PTGER3: variants seen among roughly 807,000 people sequenced by gnomAD.
PTGER3 encodes the protein prostaglandin E receptor 3.
In PTGER3, 22 loss-of-function variants were observed where a neutral mutation model predicts 34.7. That is an observed-to-expected ratio of 0.63 (90% CI 0.45 to 0.91). The LOEUF (loss-of-function observed/expected upper bound fraction) is 0.91. Among genes scored for constraint, PTGER3 ranks in the 40% least tolerant of loss-of-function variants. PTGER3 has a pLI of 0.00. For synonymous variants in PTGER3, 241 were observed against 230.1 expected (o/e 1.05, Z -0.43); for missense variants, 468 against 519.4 (o/e 0.90, Z 0.96).
chr1:71,003,337 A>G (rs1180885134), intron 2 of PTGER3, among the ~76,000 whole-genome samples: 1 of 152,228 alleles, frequency 6.6e-6, no homozygotes, highest in Non-Finnish European at 1.5e-5. Flanking sequence ...TCCTAGTATC[A>G]TGAAGTTACA....
chr1:70,998,838 GAAC>G (rs1557727376), intron 2 of PTGER3, among the ~76,000 whole-genome samples: 1 of 152,106 alleles, frequency 6.6e-6, no homozygotes, highest in Non-Finnish European at 1.5e-5. Flanking sequence ...TTTGCACAGG[GAAC>G]GACGATGGTG....
intron 1 of PTGER3, among the ~76,000 whole-genome samples, chr1:71,041,567 C>T (rs920163491): frequency 3.2e-4 from 48 of 152,194 alleles, no homozygotes; most frequent in Non-Finnish European, 3.1e-4. Context: ...CAAAATGAGG[C>T]TCCTTCATTG....
intron 2 of PTGER3, among the ~76,000 whole-genome samples, chr1:71,001,715 T>G (rs776383175): frequency 1.3e-5 from 2 of 152,176 alleles, no homozygotes; most frequent in Non-Finnish European, 2.9e-5. Flanking sequence ...TATCATCCCC[T>G]TATTTTACAG....
At chr1:70,914,721 T>G (rs1278510800) in intron 4 of PTGER3, among the ~76,000 whole-genome samples, 2 of 151,894 alleles carry the variant, frequency 1.3e-5, no homozygotes, top group Non-Finnish European at 2.9e-5. Context: ...TGTTTTTAAG[T>G]TTGTTAATAT....
At chr1:70,901,002 G>T (rs1030445438) in intron 4 of PTGER3, among the ~76,000 whole-genome samples, 2 of 152,266 alleles carry the variant, frequency 1.3e-5, no homozygotes, top group South Asian at 4.1e-4. Context: ...GTTTAGTGAG[G>T]TTCAAATGGA....
chr1:70,949,866 TAGAG>T (rs1650581282), downstream of PTGER3, among the ~76,000 whole-genome samples: 1 of 152,112 alleles, frequency 6.6e-6, no homozygotes, highest in South Asian at 2.1e-4. Context: ...TGGAGGAAAA[TAGAG>T]AGAGGCTTGC....
intron 4 of PTGER3, among the ~76,000 whole-genome samples, chr1:70,911,316 T>TC (rs1352982195): frequency 2.0e-5 from 3 of 151,546 alleles, no homozygotes; most frequent in Non-Finnish European, 4.4e-5. Flanking sequence ...ATGAAATGTC[T>TC]CCCCCCACAG....
rs529878147 is a variant in PTGER3, at chr1:70,996,567, T to A, written c.1077+15738A>T. On this transcript the variant is annotated intron_variant, in intron 2 of 3. Transcript: ENST00000306666. ...GCTCCGCCTCGTGGGTTCATGCCATTCTCCTGCCTCAGCCTCCCGAGTAGC... is the reference window on the plus strand; with the variant it reads ...GCTCCGCCTCGTGGGTTCATGCCATACTCCTGCCTCAGCCTCCCGAGTAGC... Among the ~76,000 whole-genome samples, 20 of 151,788 alleles carry A rather than the reference T, an allele frequency of 1.3e-4. No homozygotes were observed. The East Asian group carries it at 3.9e-3, about 29-fold the overall frequency.
At chr1:70,961,297 C>T (rs1344799038) in intron 2 of PTGER3, among the ~76,000 whole-genome samples, 1 of 152,174 alleles carries the variant, frequency 6.6e-6, no homozygotes, top group Non-Finnish European at 1.5e-5. Context: ...TCTATAAATT[C>T]CCTTTTTTAG....
chr1:71,027,390 T>C (rs192767474), intron 1 of PTGER3, among the ~76,000 whole-genome samples: 274 of 152,328 alleles, frequency 1.8e-3, no homozygotes, highest in African/African-American at 6.3e-3. Context: ...CTTGAACTCC[T>C]AGCCTCAAGT....
chr1:70,952,946 A>AATGCTGCTC, exon 4 of PTGER3: 1 of 1,613,096 alleles, frequency 6.2e-7, no homozygotes, highest in Non-Finnish European at 8.5e-7. Flanking sequence ...TGTACACATT[A>AATGCTGCTC]ATGCTGCTCA....
At chr1:70,961,789 T>C (rs1198087511) in intron 2 of PTGER3, among the ~76,000 whole-genome samples, 1 of 152,214 alleles carries the variant, frequency 6.6e-6, no homozygotes, top group Non-Finnish European at 1.5e-5. Context: ...AGATGGCTAA[T>C]GATAATTGAA....
chr1:71,042,256 T>C (rs1040517872), intron 1 of PTGER3, among the ~76,000 whole-genome samples: 1 of 149,578 alleles, frequency 6.7e-6, no homozygotes, highest in Non-Finnish European at 1.5e-5. Flanking sequence ...TGATCTAGTG[T>C]GCACCCTTTG....
chr1:70,937,347 A>C (rs898186315), intron 4 of PTGER3, among the ~76,000 whole-genome samples: 1 of 152,202 alleles, frequency 6.6e-6, no homozygotes, highest in African/African-American at 2.4e-5. Flanking sequence ...CATTTAATGG[A>C]CATCATTTAT....
intron 2 of PTGER3, among the ~76,000 whole-genome samples, chr1:70,954,917 G>C (rs940379249): frequency 2.6e-5 from 4 of 152,004 alleles, no homozygotes; most frequent in Non-Finnish European, 5.9e-5. Flanking sequence ...ATGTTTTCTG[G>C]CTAAAATAAT....
chr1:70,920,078 A>C (rs1647381987), intron 4 of PTGER3, among the ~76,000 whole-genome samples: 1 of 152,160 alleles, frequency 6.6e-6, no homozygotes. Context: ...GCTGAGTTTG[A>C]GGCCCAATTA....
chr1:70,929,004 G>A lies in PTGER3; in HGVS notation c.*23+24759C>T, dbSNP rs147472891. 3.0e-3 allele frequency among the ~76,000 whole-genome samples: 451 copies of A among 152,010 alleles called. 5 individuals carry two copies. The highest frequency in any genetic ancestry group is 0.01 in the African/African-American group (426 of 41,482). ...AAACAAAATTTCTGCTTGTTATTTT[G>A]AACTAAGTCCTCCAGATCAGAGATT... On this transcript the variant is annotated intron_variant, in intron 4 of 4. Coordinates refer to the PTGER3 transcript ENST00000370931.
Position 70,971,308 on chromosome 1 carries a change from T to C in PTGER3, c.*422A>G, listed in dbSNP as rs1408549054. The C allele has an allele frequency of 1.0e-6, 1 of 988,356 alleles. No homozygotes were observed. The highest frequency in any genetic ancestry group is 1.2e-6 in the Non-Finnish European group (1 of 832,034). The allele number at this position is 988,356 out of a possible 1,614,324, so 61.2% of individuals were successfully genotyped here. ...TTATCACTCTCAATATGTTGACTTT[T>C]CACCATCATAAGCTTATACTGATTT... On this transcript the variant is annotated 3_prime_UTR_variant, in exon 4 of 4. Coordinates refer to ENST00000306666, the MANE Select transcript of PTGER3 (RefSeq NM_198719.2).
downstream of PTGER3, among the ~76,000 whole-genome samples, chr1:70,968,920 A>T (rs1652807460): frequency 6.6e-6 from 1 of 152,022 alleles, no homozygotes; most frequent in Non-Finnish European, 1.5e-5. Flanking sequence ...GTAAAACTTC[A>T]TGTGGGCTGA....
Sources: gnomAD v4.1 joint callset for allele counts (sites outside exome capture counted in the v4.1 genomes callset) on GRCh38, gnomAD v4.1.1 for gene constraint, MANE v1.5 for transcripts, NCBI Gene and HGNC (gene_info 2026-07-23, HGNC 2026-07-21) for gene names.